TENM2: variants seen among roughly 807,000 people sequenced by gnomAD.
The protein encoded by TENM2 is teneurin-2.
TENM2 carries 52 observed loss-of-function variants against 245.2 expected under a neutral mutation model. That is an observed-to-expected ratio of 0.21 (90% CI 0.17 to 0.27). The LOEUF is 0.27. Among genes scored for constraint, TENM2 ranks in the 10% least tolerant of loss-of-function variants. The pLI, the probability that TENM2 is intolerant of heterozygous loss-of-function variation, is 1.00. For synonymous variants in TENM2, 1,363 were observed against 1,438.9 expected (o/e 0.95, Z 1.19); for missense variants, 3,046 against 3,666.8 (o/e 0.83, Z 4.37).
the TENM2 span, among the ~76,000 whole-genome samples, chr5:167,187,029 C>A: frequency 6.6e-6 from 1 of 152,206 alleles, no homozygotes. Context: ...TGTCTTCAGA[C>A]ACACAGTTGT....
chr5:167,355,951 G>A (rs1016706976), intron 1 of TENM2, among the ~76,000 whole-genome samples: 1 of 150,200 alleles, frequency 6.7e-6, no homozygotes, highest in Non-Finnish European at 1.5e-5. Context: ...GGGAGGCCGA[G>A]GCGGGCAGAT....
intron 2 of TENM2, among the ~76,000 whole-genome samples, chr5:167,764,694 C>T (rs1762891172): frequency 6.6e-6 from 1 of 152,146 alleles, no homozygotes; most frequent in African/African-American, 2.4e-5. Context: ...TTTACTGTCC[C>T]AGTCTATCAC....
At chr5:167,950,621 G>C (rs1454155347) in intron 3 of TENM2, among the ~76,000 whole-genome samples, 2 of 152,138 alleles carry the variant, frequency 1.3e-5, no homozygotes, top group Non-Finnish European at 2.9e-5. Flanking sequence ...AGTTGAGAGA[G>C]GGGGAAAGAA....
chr5:167,046,525 T>C, the TENM2 span, among the ~76,000 whole-genome samples: 2 of 152,168 alleles, frequency 1.3e-5, no homozygotes, highest in African/African-American at 4.8e-5. Flanking sequence ...GTGAATCATT[T>C]ATTGGTCAGG....
At chr5:167,545,217 C>G (rs1282123350) in intron 2 of TENM2, among the ~76,000 whole-genome samples, 6 of 152,266 alleles carry the variant, frequency 3.9e-5, no homozygotes, top group Non-Finnish European at 8.8e-5. Flanking sequence ...CTGCCTTGTT[C>G]TTAGGTTGTC....
At chr5:167,057,470 G>C in the TENM2 span, among the ~76,000 whole-genome samples, 1 of 152,138 alleles carries the variant, frequency 6.6e-6, no homozygotes, top group Non-Finnish European at 1.5e-5. Context: ...TTGTAATGCA[G>C]TGATAAGATG....
chr5:168,016,189 C>T (rs1442070626), intron 5 of TENM2, among the ~76,000 whole-genome samples: 1 of 152,188 alleles, frequency 6.6e-6, no homozygotes, highest in African/African-American at 2.4e-5. Context: ...TTTTTATCTC[C>T]ATTTCACAGA....
chr5:167,697,468 TC>T (rs1757840242), intron 2 of TENM2, among the ~76,000 whole-genome samples: 1 of 152,244 alleles, frequency 6.6e-6, no homozygotes, highest in African/African-American at 2.4e-5. Context: ...TGCTTTATTT[TC>T]AGCATTTATC....
the TENM2 span, among the ~76,000 whole-genome samples, chr5:166,991,947 GA>G: frequency 1.3e-5 from 2 of 150,230 alleles, no homozygotes; most frequent in Non-Finnish European, 3.0e-5. Context: ...CTTTAAAACT[GA>G]AAAAAAAATT....
At chr5:167,488,887 A>G (rs927453775) in intron 2 of TENM2, among the ~76,000 whole-genome samples, 6 of 152,142 alleles carry the variant, frequency 3.9e-5, no homozygotes, top group Non-Finnish European at 8.8e-5. Context: ...ATCTCAGTTA[A>G]TGGTTACTTC....
At chr5:167,820,814 A>G (rs546414642) in intron 2 of TENM2, among the ~76,000 whole-genome samples, 1 of 152,310 alleles carries the variant, frequency 6.6e-6, no homozygotes, top group East Asian at 1.9e-4. Context: ...CCCCAAATGA[A>G]GTCCTGCAGC....
At position 168,204,553 on chromosome 5, in the gene TENM2, T is replaced by C. The variant is rs945861121; in HGVS notation, c.3756T>C (p.Tyr1252=). The C allele has an allele frequency of 7.4e-6, 12 of 1,613,896 alleles. No homozygotes were observed. The Admixed American group carries it at 1.3e-4, about 18-fold the overall frequency. ...CTGTTGGAATCGATGGGAGCCTCTA[T>C]GTGGGTGACTTCAATTACATCCGAC... is the stretch of plus-strand genomic sequence containing the variant. Residue 1252 remains tyrosine (Y), a synonymous_variant, in exon 19 of 29, where the codon TAT becomes TAC. Transcript: ENST00000518659.
chr5:168,031,534 C>T (rs1037373512), intron 5 of TENM2, among the ~76,000 whole-genome samples: 3 of 151,916 alleles, frequency 2.0e-5, no homozygotes, highest in African/African-American at 7.3e-5. Context: ...AATGTGGCAA[C>T]CCCCCTGGGA....
At chr5:166,986,392 AT>A in the TENM2 span, among the ~76,000 whole-genome samples, 602 of 151,894 alleles carry the variant, frequency 4.0e-3, 3 homozygotes, top group Non-Finnish European at 6.0e-3. Context: ...CTTATTTTGT[AT>A]TTTTTTCCCA....
In TENM2 at chr5:167,880,760, T is replaced by C. The variant is rs142168447; in HGVS notation, c.712+4565T>C. Among the ~76,000 whole-genome samples the C allele has an allele frequency of 4.5e-3, 684 of 152,328 alleles. 8 individuals are homozygous for C. Among genetic ancestry groups the C allele is most frequent in the African/African-American group, 0.015 (644 of 41,590 alleles). ...TAAAAACAATTCTACAAATGTCCAATATTTGCACAGTCCAAGGGCAAAACT... is the reference window on the plus strand; with the variant it reads ...TAAAAACAATTCTACAAATGTCCAACATTTGCACAGTCCAAGGGCAAAACT... On this transcript the variant is annotated intron_variant, in intron 3 of 28. Transcript: ENST00000518659.
At chr5:167,066,118 G>C in the TENM2 span, among the ~76,000 whole-genome samples, 1 of 152,130 alleles carries the variant, frequency 6.6e-6, no homozygotes, top group Non-Finnish European at 1.5e-5. Flanking sequence ...CCATATCAAG[G>C]AGTGAATATG....
the TENM2 span, among the ~76,000 whole-genome samples, chr5:167,068,782 G>T: frequency 1.8e-4 from 27 of 152,168 alleles, no homozygotes; most frequent in African/African-American, 6.3e-4. Context: ...TACAGACCAA[G>T]TAATAATTTT....
At chr5:167,019,102 A>T in the TENM2 span, among the ~76,000 whole-genome samples, 1 of 152,008 alleles carries the variant, frequency 6.6e-6, no homozygotes, top group Non-Finnish European at 1.5e-5. Flanking sequence ...ACTTTGATTT[A>T]TCTTGCCTAA....
At chr5:167,232,780 G>A in the TENM2 span, among the ~76,000 whole-genome samples, 1 of 152,142 alleles carries the variant, frequency 6.6e-6, no homozygotes, top group Non-Finnish European at 1.5e-5. Context: ...TACCAAACAT[G>A]TGCTGAGTTC....
Sources: gnomAD v4.1 joint callset for allele counts (sites outside exome capture counted in the v4.1 genomes callset) on GRCh38, gnomAD v4.1.1 for gene constraint, MANE v1.5 for transcripts, NCBI Gene and HGNC (gene_info 2026-07-23, HGNC 2026-07-21) for gene names.